The following FARS2 variants were observed in gnomAD, a reference collection of about 807,000 sequenced individuals.
FARS2 encodes the protein phenylalanine--tRNA ligase, mitochondrial.
Under a neutral mutation model 46.4 loss-of-function variants are expected in FARS2, and 40 were observed. The observed-to-expected ratio is 0.86, with a 90% CI of 0.67 to 1.12. The LOEUF (loss-of-function observed/expected upper bound fraction) is 1.12. FARS2 is among the 50% of genes most tolerant of loss of function. The pLI is 0.00. For synonymous variants in FARS2, 234 were observed against 214.9 expected, an observed-to-expected ratio of 1.09 and a Z score of -0.78; for missense variants, 513 against 567.9, an observed-to-expected ratio of 0.90 and a Z score of 0.98.
chr6:5,693,478 GT>G (rs1444561233), intron 6 of FARS2, among the ~76,000 whole-genome samples: 8 of 152,190 alleles, frequency 5.3e-5, no homozygotes, highest in Non-Finnish European at 8.8e-5. Context: ...CGTTTGCATT[GT>G]TCTGCAGAAG....
At chr6:5,475,791 T>C (rs960131439) in intron 4 of FARS2, among the ~76,000 whole-genome samples, 15 of 152,158 alleles carry the variant, frequency 9.9e-5, no homozygotes, top group Admixed American at 8.5e-4. Context: ...AGAGAGTCCC[T>C]CTTCCACTCT....
chr6:5,276,493 A>G (rs1217438594), intron 1 of FARS2, among the ~76,000 whole-genome samples: 1 of 152,342 alleles, frequency 6.6e-6, no homozygotes, highest in African/African-American at 2.4e-5. Context: ...ACTGAGACAT[A>G]TGGTCACTCT....
At chr6:5,565,839 G>T (rs1772289822) in intron 5 of FARS2, among the ~76,000 whole-genome samples, 1 of 152,126 alleles carries the variant, frequency 6.6e-6, no homozygotes, top group Admixed American at 6.5e-5. Flanking sequence ...TTGCCAAAAT[G>T]ATGACTCAAA....
intron 1 of FARS2, among the ~76,000 whole-genome samples, chr6:5,353,316 A>C (rs573987736): frequency 6.6e-6 from 1 of 152,264 alleles, no homozygotes; most frequent in East Asian, 1.9e-4. Flanking sequence ...TAGATACTTG[A>C]GTCGATTCCA....
intron 6 of FARS2, among the ~76,000 whole-genome samples, chr6:5,744,581 G>A (rs908631913): frequency 7.9e-5 from 12 of 152,174 alleles, no homozygotes; most frequent in Admixed American, 6.5e-4. Context: ...TCTGCCCAGC[G>A]GTATCTGTCT....
intron 5 of FARS2, among the ~76,000 whole-genome samples, chr6:5,597,677 C>G (rs1164860285): frequency 6.6e-6 from 1 of 152,180 alleles, no homozygotes; most frequent in Non-Finnish European, 1.5e-5. Flanking sequence ...AAGAAAATAA[C>G]ATTTCACATT....
intron 1 of FARS2, among the ~76,000 whole-genome samples, chr6:5,304,429 T>G (rs937848369): frequency 6.6e-6 from 1 of 152,226 alleles, no homozygotes; most frequent in Non-Finnish European, 1.5e-5. Context: ...TTTTCATATT[T>G]TGAATTAGTC....
At chr6:5,367,238 A>G (rs1758742223) in intron 1 of FARS2, among the ~76,000 whole-genome samples, 1 of 152,260 alleles carries the variant, frequency 6.6e-6, no homozygotes, top group Non-Finnish European at 1.5e-5. Context: ...GCAGCTTCAT[A>G]TCATGAAGTT....
At chr6:5,494,428 C>G (rs1449067603) in intron 4 of FARS2, among the ~76,000 whole-genome samples, 1 of 152,202 alleles carries the variant, frequency 6.6e-6, no homozygotes, top group Non-Finnish European at 1.5e-5. Flanking sequence ...TGCCTCGCTT[C>G]TCAGCGGGCT....
In FARS2 at chr6:5,601,482, C is replaced by T. The variant is rs1223023162; in HGVS notation, c.1066-11687C>T. ...GAGGTTGCGGTGAGCCAAGATCACA[C>T]CATTGCACTCCAGCCTGGGCAACGA... is the stretch of plus-strand genomic sequence containing the variant. On this transcript the variant is annotated intron_variant, in intron 5 of 6. Transcript: ENST00000274680. Among the ~76,000 whole-genome samples the T allele has an allele frequency of 2.1e-5, 3 of 143,670 alleles. No homozygotes were observed. In the East Asian group the frequency reaches 6.2e-4, roughly 30 times the overall value. 94.3% of individuals were successfully genotyped at this position (143,670 alleles called of 152,430 possible).
chr6:5,591,890 T>A (rs1030236008), intron 5 of FARS2, among the ~76,000 whole-genome samples: 1 of 152,232 alleles, frequency 6.6e-6, no homozygotes, highest in Non-Finnish European at 1.5e-5. Context: ...TTTGTAAATT[T>A]CTTGTGGAAA....
At chr6:5,709,773 T>G (rs1394128509) in intron 6 of FARS2, among the ~76,000 whole-genome samples, 22 of 151,504 alleles carry the variant, frequency 1.5e-4, no homozygotes, top group Non-Finnish European at 3.1e-4. Context: ...TGTGTGAGAT[T>G]CTGATGTAGT....
chr6:5,280,992 G>A (rs1023200740), intron 1 of FARS2, among the ~76,000 whole-genome samples: 2 of 151,998 alleles, frequency 1.3e-5, no homozygotes, highest in African/African-American at 4.8e-5. Context: ...TGTCAGATTG[G>A]CTGGAGCTAT....
intron 1 of FARS2, among the ~76,000 whole-genome samples, chr6:5,296,863 T>C (rs965707792): frequency 2.0e-5 from 3 of 152,242 alleles, no homozygotes; most frequent in African/African-American, 7.2e-5. Flanking sequence ...TCGGCTATTA[T>C]GAATAAGACT....
intron 3 of FARS2, among the ~76,000 whole-genome samples, chr6:5,426,085 T>C (rs1256061746): frequency 6.6e-6 from 1 of 152,164 alleles, no homozygotes; most frequent in Non-Finnish European, 1.5e-5. Flanking sequence ...AGGTGTATAA[T>C]TTTTGACAGT....
intron 6 of FARS2, among the ~76,000 whole-genome samples, chr6:5,679,130 A>G (rs1778905123): frequency 6.6e-6 from 1 of 152,194 alleles, no homozygotes; most frequent in Non-Finnish European, 1.5e-5. Flanking sequence ...TTGCTGGTGA[A>G]GAGATGACAT....
chr6:5,613,887 G>T (rs1281552302), intron 6 of FARS2, among the ~76,000 whole-genome samples: 1 of 152,170 alleles, frequency 6.6e-6, no homozygotes, highest in African/African-American at 2.4e-5. Context: ...TTCATGTGGG[G>T]AGTCAGGGCA....
intron 6 of FARS2, among the ~76,000 whole-genome samples, chr6:5,635,046 T>C (rs1006133557): frequency 6.6e-6 from 1 of 152,226 alleles, no homozygotes; most frequent in Non-Finnish European, 1.5e-5. Flanking sequence ...CTTTGCCACT[T>C]GTTGGCCGTG....
chr6:5,313,577 C>T (rs1367103306), intron 1 of FARS2, among the ~76,000 whole-genome samples: 1 of 151,958 alleles, frequency 6.6e-6, no homozygotes, highest in East Asian at 1.9e-4. Flanking sequence ...TTTTTTAGAA[C>T]TCTACTGTAA....
Sources: gnomAD v4.1 joint callset for allele counts (sites outside exome capture counted in the v4.1 genomes callset) on GRCh38, gnomAD v4.1.1 for gene constraint, MANE v1.5 for transcripts, NCBI Gene and HGNC (gene_info 2026-07-23, HGNC 2026-07-21) for gene names.